The following PTK2B variants were observed in gnomAD, a reference collection of about 807,000 sequenced individuals.
PTK2B encodes the protein protein tyrosine kinase 2 beta, also known as protein-tyrosine kinase 2-beta.
A neutral mutation model predicts 142.9 loss-of-function variants in PTK2B; 71 were observed. The ratio of observed to expected loss-of-function variants is 0.50; its 90% CI spans 0.41 to 0.61. PTK2B has a LOEUF of 0.61. Ranked by LOEUF, PTK2B falls within the 20% of genes least tolerant of loss-of-function variation. PTK2B has a pLI of 0.00. For synonymous variants in PTK2B, 519 were observed against 503.4 expected (o/e 1.03, Z -0.42); for missense variants, 1,105 against 1,320.4 (o/e 0.84, Z 2.53).
At position 27,419,969 on chromosome 8, in the gene PTK2B, G is replaced by A. The variant is rs755637464; in HGVS notation, c.279G>A (p.Arg93=). 3.7e-6 allele frequency: 6 copies of A among 1,614,124 alleles called. No homozygotes were observed. In the Admixed American group the frequency reaches 1.0e-4, roughly 27 times the overall value. ...GGTTGGCTGAGTGCTATGGGCTGAGGCTGAAGCACATGAAGTCCGATGAGA... is the reference window on the plus strand; with the variant it reads ...GGTTGGCTGAGTGCTATGGGCTGAGACTGAAGCACATGAAGTCCGATGAGA... ...NIRLAECYGL[R]LKHMKSDEIH... is the part of the protein sequence containing the mutation. Residue 93 remains arginine (R), a synonymous_variant, in exon 3 of 31, where the codon AGG becomes AGA. Coordinates refer to ENST00000346049, the MANE Select transcript of PTK2B (RefSeq NM_173176.3).
chr8:27,310,943 G>C (rs1278773656), upstream of PTK2B: 3 of 1,612,518 alleles, frequency 1.9e-6, no homozygotes, highest in East Asian at 2.2e-5. Context: ...GCAGACACGC[G>C]AGAAGCGGTA....
intron 11 of PTK2B, 89 bp from the exon 12 acceptor site, chr8:27,434,004 G>A (rs762417346): frequency 4.1e-6 from 6 of 1,474,564 alleles, no homozygotes; most frequent in Non-Finnish European, 5.7e-6. Flanking sequence ...TGGGAGGAGA[G>A]TCCCTTGTAG....
At chr8:27,310,572 C>T (rs552009067), upstream of PTK2B, among the ~76,000 whole-genome samples, 2 of 152,386 alleles carry the variant, frequency 1.3e-5, no homozygotes, top group Non-Finnish European at 2.9e-5. Context: ...CATGTAACCT[C>T]ATCTGTCACT....
chr8:27,436,479 G>T, intron 15 of PTK2B, 131 bp downstream of exon 15: 1 of 719,460 alleles, frequency 1.4e-6, no homozygotes, highest in Non-Finnish European at 2.5e-6. Flanking sequence ...AGGGCCTCTT[G>T]TCCACTGGGC....
At chr8:27,448,012 C>T (rs1005998507) in intron 24 of PTK2B, among the ~76,000 whole-genome samples, 2 of 152,230 alleles carry the variant, frequency 1.3e-5, no homozygotes, top group Non-Finnish European at 2.9e-5. Flanking sequence ...TGCACACTTA[C>T]CTGTAATGCA....
At chr8:27,420,796 C>G (rs766784915) in intron 4 of PTK2B, 52 bp downstream of exon 4, 1 of 1,484,664 alleles carries the variant, frequency 6.7e-7, no homozygotes, top group South Asian at 1.1e-5. Flanking sequence ...ACCTCAAATG[C>G]CAAGCATGAA....
At position 27,385,262 on chromosome 8, in the gene PTK2B, T is replaced by G. The variant is rs1020637768; in HGVS notation, c.-37-12286T>G. Among the ~76,000 whole-genome samples the G allele has an allele frequency of 4.3e-4, 66 of 152,292 alleles. 1 individual carries two copies. Among genetic ancestry groups the G allele is most frequent in the African/African-American group, 1.5e-3 (63 of 41,554 alleles). ...CTGCTGTTTCTCAGAAGTGAGCCCT[T>G]TGGCATGGAGAGCTGGAGGAAGAGG... On this transcript the variant is annotated intron_variant, in intron 1 of 30. Transcript: ENST00000346049.
intron 1 of PTK2B, among the ~76,000 whole-genome samples, chr8:27,353,305 C>T (rs914728330): frequency 9.9e-5 from 15 of 152,076 alleles, no homozygotes; most frequent in African/African-American, 3.4e-4. Context: ...GGGGAGATAC[C>T]ACATCAGGCT....
At chr8:27,433,296 G>C (rs1810555789) in intron 10 of PTK2B, 139 bp from the exon 11 acceptor site, 1 of 716,534 alleles carries the variant, frequency 1.4e-6, no homozygotes, top group Non-Finnish European at 2.4e-6. Context: ...CTCCAGGGCA[G>C]GGCCCCAGGA....
At chr8:27,355,511 G>A (rs1186588290) in intron 1 of PTK2B, among the ~76,000 whole-genome samples, 1 of 152,170 alleles carries the variant, frequency 6.6e-6, no homozygotes, top group Non-Finnish European at 1.5e-5. Flanking sequence ...TAGGACTTCT[G>A]ACCACCAGAA....
intron 30 of PTK2B, among the ~76,000 whole-genome samples, chr8:27,458,034 G>A (rs1465426687): frequency 2.6e-5 from 4 of 151,822 alleles, no homozygotes; most frequent in African/African-American, 4.8e-5. Context: ...TGAGGTATGA[G>A]GGGATGTTTC....
intron 1 of PTK2B, among the ~76,000 whole-genome samples, chr8:27,345,071 G>A (rs920484117): frequency 1.3e-5 from 2 of 152,210 alleles, no homozygotes; most frequent in African/African-American, 4.8e-5. Flanking sequence ...GCTGAGGCAG[G>A]AGAATCGCTT....
chr8:27,383,885 G>A (rs1432364901), intron 1 of PTK2B, among the ~76,000 whole-genome samples: 2 of 123,184 alleles, frequency 1.6e-5, no homozygotes, highest in Non-Finnish European at 3.6e-5. Context: ...TTTCACTCCT[G>A]TTGCCCAGGC....
intron 24 of PTK2B, among the ~76,000 whole-genome samples, chr8:27,448,454 T>G (rs750294097): frequency 6.6e-6 from 1 of 152,216 alleles, no homozygotes; most frequent in Non-Finnish European, 1.5e-5. Context: ...TTTTTTTGAG[T>G]GTTCATTTTT....
intron 30 of PTK2B, among the ~76,000 whole-genome samples, chr8:27,456,505 G>A (rs1044182067): frequency 6.6e-6 from 1 of 152,142 alleles, no homozygotes; most frequent in African/African-American, 2.4e-5. Flanking sequence ...CTCCGACCAT[G>A]CATTTCCCTA....
At chr8:27,451,393 C>T (rs978063972) in intron 26 of PTK2B, 92 bp from the exon 27 acceptor site, 1 of 1,577,536 alleles carries the variant, frequency 6.3e-7, no homozygotes, top group South Asian at 1.2e-5. Flanking sequence ...TCTAAACACA[C>T]AGTGGAGGGA....
chr8:27,382,089 A>G (rs753350120), intron 1 of PTK2B, among the ~76,000 whole-genome samples: 7 of 152,098 alleles, frequency 4.6e-5, no homozygotes, highest in Non-Finnish European at 1.0e-4. Context: ...AGCTAGGATT[A>G]CAGGTGCACC....
chr8:27,332,071 C>T (rs952360484), intron 1 of PTK2B, among the ~76,000 whole-genome samples: 6 of 152,202 alleles, frequency 3.9e-5, no homozygotes, highest in African/African-American at 1.4e-4. Flanking sequence ...TGGCAGACAG[C>T]GGTGCCAACC....
At chr8:27,322,092 C>T (rs145058629), upstream of PTK2B, among the ~76,000 whole-genome samples, 2,513 of 152,052 alleles carry the variant, frequency 0.017, 73 homozygotes, top group African/African-American at 0.057. Flanking sequence ...CAGGTTCAAG[C>T]GATTCTCCTG....
Sources: allele counts gnomAD v4.1 joint callset (sites outside exome capture counted in the v4.1 genomes callset), GRCh38; gene constraint gnomAD v4.1.1; transcripts MANE v1.5; gene names NCBI Gene and HGNC (gene_info 2026-07-23, HGNC 2026-07-21).